Variants in STOX2 observed in about 807,000 individuals in gnomAD.
The protein encoded by STOX2 is storkhead box 2.
In STOX2, 28 loss-of-function variants were observed where a neutral mutation model predicts 60.9. That is an observed-to-expected ratio of 0.46 (90% confidence interval 0.34 to 0.63). The LOEUF is 0.63. Ranked by LOEUF, STOX2 falls within the 30% of genes least tolerant of loss-of-function variation. The pLI is 0.01. For synonymous variants in STOX2, 472 were observed against 463.9 expected (o/e 1.02, Z -0.22); for missense variants, 1,024 against 1,187.7 (o/e 0.86, Z 2.03).
rs1329482654 is a variant in STOX2 at position 183,865,950 on chromosome 4, G to A, written c.364+67895G>A. On this transcript the variant is annotated intron_variant, in intron 1 of 2. Transcript: ENST00000513034. This position sits in a 1 kb window ranked among gnomAD's most constrained non-coding sequence, Gnocchi z 4.1. ...ATAAAGATTAGGCTTTAGGAAAAAT[G>A]GAAGACGGAGTTGACACAGGTGAAT... 1.3e-5 allele frequency among the ~76,000 whole-genome samples: 2 copies of A among 152,156 alleles called. No individual in the cohort carries two copies. The highest frequency in any genetic ancestry group is 2.1e-4 in the South Asian group (1 of 4,826).
chr4:183,880,100 T>C (rs1179687336), intron 1 of STOX2, among the ~76,000 whole-genome samples: 1 of 152,112 alleles, frequency 6.6e-6, no homozygotes, highest in Non-Finnish European at 1.5e-5. Context: ...CACCTCAGCT[T>C]CCCAAGTAGC....
chr4:183,841,207 TTATTTATTTATTTATA>T (rs1369591537), intron 1 of STOX2, among the ~76,000 whole-genome samples: 3 of 150,898 alleles, frequency 2.0e-5, no homozygotes, highest in African/African-American at 7.4e-5. Flanking sequence ...ATTTATTTAT[TTATTTATTTATTTATA>T]GACAGGTTCT....
intron 1 of STOX2, among the ~76,000 whole-genome samples, chr4:183,971,097 G>A (rs1743729472): frequency 6.6e-6 from 1 of 152,126 alleles, no homozygotes; most frequent in Admixed American, 6.5e-5. Flanking sequence ...TTTTTTGGTG[G>A]AACTTTTTGT....
At chr4:183,880,482 T>C (rs562761414) in intron 1 of STOX2, among the ~76,000 whole-genome samples, 1 of 152,314 alleles carries the variant, frequency 6.6e-6, no homozygotes, top group South Asian at 2.1e-4. Context: ...TGCAGAACGA[T>C]TGATTGAAAG....
rs563107036 is a variant in STOX2, at chr4:183,819,253, A to C, written c.364+21198A>C. ...ACGCCGCTGCACTCCAGCCTGGGCA[A>C]CATTGAGCACTGAGTGAACGAGACT... On this transcript the variant is annotated intron_variant, in intron 1 of 2. Transcript: ENST00000513034. Among the ~76,000 whole-genome samples, 596 of 152,198 alleles carry C rather than the reference A, an allele frequency of 3.9e-3. 4 individuals carry two copies. Among genetic ancestry groups the C allele is most frequent in the African/African-American group, 0.011 (474 of 41,528 alleles).
chr4:184,004,548 T>C (rs1194792733), intron 2 of STOX2, among the ~76,000 whole-genome samples: 2 of 152,104 alleles, frequency 1.3e-5, no homozygotes, highest in Non-Finnish European at 2.9e-5. Flanking sequence ...TGCAGTGAGC[T>C]GAGATCACGC....
chr4:184,006,842 C>G (rs1464073789), intron 2 of STOX2, among the ~76,000 whole-genome samples: 1 of 150,702 alleles, frequency 6.6e-6, no homozygotes, highest in African/African-American at 2.4e-5. Flanking sequence ...CGGTGAAACC[C>G]CGTCTCTACT....
intron 1 of STOX2, among the ~76,000 whole-genome samples, chr4:183,848,184 G>C (rs1740029917): frequency 6.6e-6 from 1 of 152,176 alleles, no homozygotes. Flanking sequence ...GGAAACCTGG[G>C]GATGAACAGG....
intron 1 of STOX2, among the ~76,000 whole-genome samples, chr4:183,891,991 C>T (rs1741225693): frequency 6.6e-6 from 1 of 152,082 alleles, no homozygotes; most frequent in Non-Finnish European, 1.5e-5. Context: ...GTCAATAGGA[C>T]AGGCCGGCGG....
intron 1 of STOX2, among the ~76,000 whole-genome samples, chr4:183,884,984 C>T (rs777445840): frequency 2.0e-5 from 3 of 152,164 alleles, no homozygotes; most frequent in African/African-American, 7.2e-5. Context: ...GCGTCCCCGT[C>T]GCCACACATC....
intron 1 of STOX2, among the ~76,000 whole-genome samples, chr4:183,924,301 G>A (rs1033673617): frequency 2.0e-5 from 3 of 152,168 alleles, no homozygotes; most frequent in Admixed American, 6.5e-5. Flanking sequence ...GGAAACCACT[G>A]CGGGACAGTG....
chr4:183,872,639 C>T (rs1740718698), intron 1 of STOX2, among the ~76,000 whole-genome samples: 1 of 152,024 alleles, frequency 6.6e-6, no homozygotes, highest in Non-Finnish European at 1.5e-5. Context: ...AATTAGAAGC[C>T]GGGTGTGTGG....
intron 1 of STOX2, among the ~76,000 whole-genome samples, chr4:183,925,029 A>G (rs889826509): frequency 5.9e-5 from 9 of 152,150 alleles, no homozygotes; most frequent in Admixed American, 5.2e-4. Context: ...AGTACCAAAC[A>G]TTTGGATTTT....
At chr4:183,905,201 C>G (rs1741553341), upstream of STOX2, among the ~76,000 whole-genome samples, 1 of 152,238 alleles carries the variant, frequency 6.6e-6, no homozygotes, top group East Asian at 1.9e-4. Context: ...CTCCGGGTCC[C>G]AGGCCCGCGT....
chr4:183,934,539 C>T (rs1742534071), intron 1 of STOX2, among the ~76,000 whole-genome samples: 1 of 152,136 alleles, frequency 6.6e-6, no homozygotes, highest in Admixed American at 6.5e-5. Flanking sequence ...GTCTCCTTTA[C>T]TGACTTATCC....
intron 1 of STOX2, among the ~76,000 whole-genome samples, chr4:183,953,024 A>T (rs1743137893): frequency 6.6e-6 from 1 of 152,080 alleles, no homozygotes. Flanking sequence ...AGCATCACAC[A>T]CTGGGGCCTG....
intron 1 of STOX2, among the ~76,000 whole-genome samples, chr4:183,850,958 A>G: frequency 7.2e-6 from 1 of 138,166 alleles, no homozygotes; most frequent in Non-Finnish European, 1.6e-5. Context: ...GAGGGAAACG[A>G]TGAGGGAAAG....
intron 1 of STOX2, among the ~76,000 whole-genome samples, chr4:183,815,182 A>G (rs1739124225): frequency 6.6e-6 from 1 of 151,404 alleles, no homozygotes. Flanking sequence ...ATTTTAATAG[A>G]GAAGGAGTCT....
chr4:183,902,249 G>GT (rs1741478791), upstream of STOX2, among the ~76,000 whole-genome samples: 1 of 152,002 alleles, frequency 6.6e-6, no homozygotes, highest in Non-Finnish European at 1.5e-5. Flanking sequence ...ATAAACTAAA[G>GT]TTTTAAATGA....
Sources: gnomAD v4.1 joint callset for allele counts (sites outside exome capture counted in the v4.1 genomes callset) on GRCh38, gnomAD v4.1.1 for gene constraint, Gnocchi (gnomAD v3.1) non-coding constraint, MANE v1.5 for transcripts, NCBI Gene and HGNC (gene_info 2026-07-23, HGNC 2026-07-21) for gene names.